The following SBF1 variants were observed in gnomAD, a reference collection of about 807,000 sequenced individuals.
SBF1 encodes myotubularin-related protein 5.
A neutral mutation model predicts 215.8 loss-of-function variants in SBF1; 65 were observed. The observed-to-expected ratio is 0.30, with a 90% CI of 0.25 to 0.37. SBF1 has a LOEUF of 0.37. Ranked by LOEUF, SBF1 falls within the 10% of genes least tolerant of loss-of-function variation. The probability of loss-of-function intolerance (pLI) is 1.00; values close to 1 mark genes in which losing one functional copy is unlikely to be tolerated. For missense variants in SBF1, 2,634 were observed against 2,667.8 expected (o/e 0.99, Z 0.28); for synonymous variants, 1,410 against 1,122.8 (o/e 1.26, Z -5.11).
chr22:50,448,199 G>C, intron 38 of SBF1, 34 bp downstream of exon 38: 3 of 1,595,842 alleles, frequency 1.9e-6, no homozygotes, highest in Non-Finnish European at 2.6e-6. Context: ...CCAGCTCAGA[G>C]GTGTCCATGT....
At chr22:50,467,133 A>G (rs1224513809) in intron 5 of SBF1, 2 of 599,174 alleles carry the variant, frequency 3.3e-6, no homozygotes, top group East Asian at 2.8e-5. Context: ...GTGGACAGAG[A>G]GGCTGAACGA....
chr22:50,468,514 G>T lies in SBF1; in HGVS notation c.56-53C>A, dbSNP rs2067875990. On this transcript the variant is annotated intron_variant, in intron 1 of 40. Transcript: ENST00000380817. ...ACCCAACCCGCCCCCCACCCACCAG[G>T]AGGCTTGAGGATCCCAGGGTGGAAA... 4.5e-6 allele frequency: 6 copies of T among 1,326,366 alleles called. No homozygotes were observed. In the Admixed American group the frequency reaches 7.1e-5, roughly 16 times the overall value. The allele number at this position is 1,326,366 out of a possible 1,614,324, so 82.2% of individuals were successfully genotyped here.
intron 36 of SBF1, among the ~76,000 whole-genome samples, chr22:50,450,810 A>G (rs566962810): frequency 6.6e-6 from 1 of 152,268 alleles, no homozygotes. Flanking sequence ...CTCTAAGCTT[A>G]AAGAAAGACA....
At chr22:50,469,281 G>C (rs1346668378) in intron 1 of SBF1, among the ~76,000 whole-genome samples, 1 of 152,260 alleles carries the variant, frequency 6.6e-6, no homozygotes, top group East Asian at 1.9e-4. Flanking sequence ...TGGGTGCTGA[G>C]CACAGCCTAA....
At chr22:50,470,211 G>A (rs540825252) in intron 1 of SBF1, among the ~76,000 whole-genome samples, 2 of 152,058 alleles carry the variant, frequency 1.3e-5, no homozygotes, top group African/African-American at 2.4e-5. Context: ...GGCACCCAGG[G>A]CTCACCCAGT....
At chr22:50,473,875 C>A (rs1046623218) in intron 1 of SBF1, among the ~76,000 whole-genome samples, 1 of 152,214 alleles carries the variant, frequency 6.6e-6, no homozygotes, top group African/African-American at 2.4e-5. Context: ...TCAGCTTATC[C>A]GCGCCTAACT....
intron 1 of SBF1, 55 bp from the exon 2 acceptor site, chr22:50,468,516 G>A: frequency 1.5e-6 from 2 of 1,324,882 alleles, no homozygotes; most frequent in Non-Finnish European, 1.0e-6. Flanking sequence ...CCCACCAGGA[G>A]GCTTGAGGAT....
At chr22:50,457,649 C>A (rs2067308859) in intron 28 of SBF1, among the ~76,000 whole-genome samples, 1 of 152,216 alleles carries the variant, frequency 6.6e-6, no homozygotes, top group African/African-American at 2.4e-5. Flanking sequence ...GAGAGCAGCT[C>A]AGTCCAGGAC....
intron 1 of SBF1, 24 bp downstream of exon 1, chr22:50,474,762 T>C (rs1190918411): frequency 1.4e-6 from 2 of 1,455,398 alleles, no homozygotes; most frequent in Non-Finnish European, 9.0e-7. Flanking sequence ...CCCCCGGCCC[T>C]CAGCGCTTGG....
intron 36 of SBF1, among the ~76,000 whole-genome samples, chr22:50,451,574 T>C (rs949509173): frequency 1.3e-5 from 2 of 152,114 alleles, no homozygotes; most frequent in Non-Finnish European, 2.9e-5. Context: ...GCTTGAAATG[T>C]ATTAAATTTG....
At position 50,460,235 on chromosome 22, in the gene SBF1, C is replaced by T. The variant is rs188834281; in HGVS notation, c.3283+37G>A. 8.5e-4 allele frequency: 1,354 copies of T among 1,600,512 alleles called. 10 individuals carry two copies. In the African/African-American group the frequency reaches 0.014, roughly 17 times the overall value. On this transcript the variant is annotated intron_variant, in intron 25 of 40. Transcript: ENST00000380817. ...GATCCTCCCTGGCCAATGTCAGCAT[C>T]CAGAGACCACCCAGGACTCCACCCC...
chr22:50,453,614 C>T (rs985848610), intron 36 of SBF1, among the ~76,000 whole-genome samples: 1 of 152,074 alleles, frequency 6.6e-6, no homozygotes, highest in Non-Finnish European at 1.5e-5. Context: ...GGTAAAACCC[C>T]GTCTCCACTA....
Position 50,448,638 on chromosome 22 carries a change from G to A in SBF1, c.5056C>T (p.Leu1686=). ...GCGGGTTGGCCCAACTCTGTCTCCA[G>A]CCTCTGCAGCTCCTGGGGGAAGAAT... ...ISRLLEELQR[L]ETELGQPAER... is the part of the protein sequence containing the mutation. Residue 1686 remains leucine (L), a synonymous_variant, in exon 37 of 41, where the codon CTG becomes TTG. Coordinates refer to ENST00000380817, the MANE Select transcript of SBF1 (RefSeq NM_002972.4). 1 of 1,610,660 alleles carries A rather than the reference G, an allele frequency of 6.2e-7. No homozygotes were observed. Among genetic ancestry groups the A allele is most frequent in the Non-Finnish European group, 8.5e-7 (1 of 1,179,538 alleles).
rs2067437928 is a variant in SBF1 at position 50,460,087 on chromosome 22, C to T, written c.3356G>A (p.Ser1119Asn). The T allele has an allele frequency of 6.2e-7, 1 of 1,613,894 alleles. No homozygotes were observed. The highest frequency in any genetic ancestry group is 2.2e-5 in the East Asian group (1 of 44,884). Reference protein sequence around the residue: ...ALKPSDRMTMSSLVERACCRD... With the variant: ...ALKPSDRMTMNSLVERACCRD... ...ACAGCAAGCCCTTTCCACCAGGCTG[C>T]TCATGGTCATGCGGTCGGAGGGCTT... The change falls in exon 26 of 41, where the codon AGC (serine) becomes AAC (asparagine). Residue 1119 changes from serine (S) to asparagine (N), a missense_variant. Ser to Asn is a conservative substitution (Grantham distance 46). Coordinates refer to ENST00000380817, the MANE Select transcript of SBF1 (RefSeq NM_002972.4).
intron 28 of SBF1, among the ~76,000 whole-genome samples, chr22:50,458,643 T>A (rs148427941): frequency 6.6e-6 from 1 of 151,932 alleles, no homozygotes; most frequent in Non-Finnish European, 1.5e-5. Flanking sequence ...CAGGAGTGAG[T>A]GTGGGGCCTA....
intron 28 of SBF1, 34 bp from the exon 29 acceptor site, chr22:50,457,145 G>T: frequency 7.0e-7 from 1 of 1,438,180 alleles, no homozygotes; most frequent in Non-Finnish European, 9.1e-7. Flanking sequence ...CTCAGGCCTA[G>T]CCCCAGGCCT....
intron 36 of SBF1, among the ~76,000 whole-genome samples, chr22:50,454,136 C>A (rs540981277): frequency 6.6e-6 from 1 of 152,220 alleles, no homozygotes; most frequent in Non-Finnish European, 1.5e-5. Flanking sequence ...GTGGGGCAGG[C>A]GGTCTGGCAG....
At chr22:50,448,487 T>C in intron 37 of SBF1, 43 bp from the exon 38 acceptor site, 1 of 1,608,158 alleles carries the variant, frequency 6.2e-7, no homozygotes, top group Non-Finnish European at 8.5e-7. Flanking sequence ...CTGGACAGAC[T>C]CCACTTTCTC....
At chr22:50,452,489 C>T (rs567464538) in intron 36 of SBF1, among the ~76,000 whole-genome samples, 1 of 152,090 alleles carries the variant, frequency 6.6e-6, no homozygotes, top group East Asian at 1.9e-4. Flanking sequence ...AAGGCCAAGG[C>T]GGGCGGATCA....
Sources: allele counts gnomAD v4.1 joint callset (sites outside exome capture counted in the v4.1 genomes callset), GRCh38; gene constraint gnomAD v4.1.1; transcripts MANE v1.5; gene names NCBI Gene and HGNC (gene_info 2026-07-23, HGNC 2026-07-21).